Variants in CTNNA3 observed in about 807,000 individuals in gnomAD.
CTNNA3 encodes catenin alpha 3.
In CTNNA3, 76 loss-of-function variants were observed where a neutral mutation model predicts 95.7. The ratio of observed to expected loss-of-function variants is 0.79; its 90% CI spans 0.66 to 0.96. CTNNA3 has a LOEUF of 0.96. Ranked by LOEUF, CTNNA3 falls within the 40% of genes least tolerant of loss-of-function variation. The pLI is 0.00. For missense variants in CTNNA3, 1,191 were observed against 1,089.8 expected, an observed-to-expected ratio of 1.09 and a Z score of -1.31; for synonymous variants, 431 against 374.4, an observed-to-expected ratio of 1.15 and a Z score of -1.74.
intron 15 of CTNNA3, among the ~76,000 whole-genome samples, chr10:66,021,088 A>AC (rs760837202): frequency 2.6e-5 from 4 of 152,140 alleles, no homozygotes; most frequent in Non-Finnish European, 5.9e-5. Flanking sequence ...CTGCCCACTT[A>AC]GAGTAATCGT....
intron 7 of CTNNA3, among the ~76,000 whole-genome samples, chr10:66,799,387 A>T (rs1228334013): frequency 6.6e-6 from 1 of 151,680 alleles, no homozygotes; most frequent in Non-Finnish European, 1.5e-5. Flanking sequence ...ATGAAAACAT[A>T]CAGTATTTCC....
intron 7 of CTNNA3, among the ~76,000 whole-genome samples, chr10:67,164,299 AATAGCC>A (rs1352824524): frequency 6.6e-6 from 1 of 152,108 alleles, no homozygotes; most frequent in Non-Finnish European, 1.5e-5. Context: ...TGAAACTAGA[AATAGCC>A]ATACACAAGT....
chr10:67,011,355 AAGCT>A (rs1293913344), intron 7 of CTNNA3, among the ~76,000 whole-genome samples: 2 of 151,744 alleles, frequency 1.3e-5, no homozygotes, highest in Non-Finnish European at 2.9e-5. Context: ...AAAAAAAAAA[AAGCT>A]AGCCTGTTCT....
At chr10:66,526,939 A>G (rs1841287964) in intron 10 of CTNNA3, among the ~76,000 whole-genome samples, 2 of 152,000 alleles carry the variant, frequency 1.3e-5, no homozygotes, top group Admixed American at 1.3e-4. Context: ...GAAGTTTTAA[A>G]TTTTGATGAA....
intron 13 of CTNNA3, among the ~76,000 whole-genome samples, chr10:66,228,632 T>C (rs916064036): frequency 6.6e-5 from 10 of 152,138 alleles, no homozygotes; most frequent in African/African-American, 1.9e-4. Flanking sequence ...CATCAAATCT[T>C]CTCTACTTGT....
At chr10:66,964,754 C>G (rs1849307254) in intron 7 of CTNNA3, among the ~76,000 whole-genome samples, 1 of 152,094 alleles carries the variant, frequency 6.6e-6, no homozygotes, top group African/African-American at 2.4e-5. Context: ...GATAAGGCAG[C>G]ATGGAAGTAG....
chr10:66,784,665 T>A (rs1840669458), intron 7 of CTNNA3, among the ~76,000 whole-genome samples: 1 of 152,202 alleles, frequency 6.6e-6, no homozygotes, highest in African/African-American at 2.4e-5. Flanking sequence ...TCCTCATTTC[T>A]GTGCCAGACC....
At chr10:67,359,306 T>A (rs1050220485) in intron 5 of CTNNA3, among the ~76,000 whole-genome samples, 1 of 150,236 alleles carries the variant, frequency 6.7e-6, no homozygotes, top group Non-Finnish European at 1.5e-5. Context: ...ATCAGTACAA[T>A]GACTCTGGTA....
intron 17 of CTNNA3, among the ~76,000 whole-genome samples, chr10:65,937,231 T>C (rs775562819): frequency 1.3e-5 from 2 of 152,136 alleles, no homozygotes; most frequent in African/African-American, 2.4e-5. Context: ...ATTGGTCTCA[T>C]AGAGTTGTTT....
intron 7 of CTNNA3, among the ~76,000 whole-genome samples, chr10:67,166,433 CTGTTA>C (rs1432972510): frequency 2.4e-4 from 36 of 152,090 alleles, no homozygotes; most frequent in Non-Finnish European, 8.8e-5. Flanking sequence ...CTTCAGATCT[CTGTTA>C]TAAGTGTTTA....
chr10:66,633,089 A>G (rs1191513518), intron 9 of CTNNA3, among the ~76,000 whole-genome samples: 2 of 152,170 alleles, frequency 1.3e-5, no homozygotes, highest in Non-Finnish European at 2.9e-5. Context: ...TAAATGGCCA[A>G]CTTTTCAGAG....
At chr10:66,481,451 T>G (rs1447406384) in intron 11 of CTNNA3, among the ~76,000 whole-genome samples, 1 of 148,870 alleles carries the variant, frequency 6.7e-6, no homozygotes, top group Non-Finnish European at 1.5e-5. Flanking sequence ...AAAACCTTAT[T>G]CCCTTGTTTC....
intron 15 of CTNNA3, among the ~76,000 whole-genome samples, chr10:66,053,258 C>G (rs945184304): frequency 2.6e-5 from 4 of 151,768 alleles, no homozygotes; most frequent in African/African-American, 4.8e-5. Context: ...TTATAACTAC[C>G]TACCAATCAC....
At chr10:66,405,944 A>G (rs2093053752) in intron 11 of CTNNA3, among the ~76,000 whole-genome samples, 1 of 152,180 alleles carries the variant, frequency 6.6e-6, no homozygotes, top group Non-Finnish European at 1.5e-5. Flanking sequence ...TTTTGAAAGC[A>G]GCATCCTTTC....
intron 5 of CTNNA3, among the ~76,000 whole-genome samples, chr10:67,258,029 G>A (rs186227547): frequency 1.2e-4 from 19 of 152,260 alleles, no homozygotes; most frequent in African/African-American, 4.6e-4. Flanking sequence ...CAATCTGCCA[G>A]TCACCTGGGT....
chr10:67,539,179 A>G (rs758940055), intron 4 of CTNNA3, among the ~76,000 whole-genome samples: 3 of 152,104 alleles, frequency 2.0e-5, no homozygotes, highest in Non-Finnish European at 4.4e-5. Context: ...TCATATGTTT[A>G]TCATATATTA....
chr10:67,049,098 G>A (rs1275029474), intron 7 of CTNNA3, among the ~76,000 whole-genome samples: 1 of 149,402 alleles, frequency 6.7e-6, no homozygotes, highest in African/African-American at 2.5e-5. Flanking sequence ...TTTATAACTT[G>A]TGGTCTATGG....
intron 5 of CTNNA3, among the ~76,000 whole-genome samples, chr10:67,487,163 T>C (rs1003336617): frequency 3.3e-5 from 5 of 152,074 alleles, no homozygotes; most frequent in African/African-American, 9.7e-5. Context: ...CAGGAAGAAA[T>C]AGCAACACCA....
chr10:66,381,759 C>A (rs2092840564), intron 11 of CTNNA3, among the ~76,000 whole-genome samples: 1 of 152,124 alleles, frequency 6.6e-6, no homozygotes, highest in African/African-American at 2.4e-5. Context: ...ACCTAATTTG[C>A]AGCATTCAGT....
Sources: gnomAD v4.1 joint callset for allele counts (sites outside exome capture counted in the v4.1 genomes callset) on GRCh38, gnomAD v4.1.1 for gene constraint, MANE v1.5 for transcripts, NCBI Gene and HGNC (gene_info 2026-07-23, HGNC 2026-07-21) for gene names.